NCOA1: variants seen among roughly 807,000 people sequenced by gnomAD.
The protein encoded by NCOA1 is nuclear receptor coactivator 1.
A neutral mutation model predicts 150.9 loss-of-function variants in NCOA1; 35 were observed. The ratio of observed to expected loss-of-function variants is 0.23; its 90% CI spans 0.18 to 0.31. NCOA1 has a LOEUF of 0.31. Among genes scored for constraint, NCOA1 ranks in the 10% least tolerant of loss-of-function variants. NCOA1 has a pLI of 1.00. For missense variants in NCOA1, 1,491 were observed against 1,749.3 expected, an observed-to-expected ratio of 0.85 and a Z score of 2.63; for synonymous variants, 590 against 630.0, an observed-to-expected ratio of 0.94 and a Z score of 0.95.
At chr2:24,493,431 A>G (rs562513550) in intron 1 of NCOA1, among the ~76,000 whole-genome samples, 3 of 152,322 alleles carry the variant, frequency 2.0e-5, no homozygotes, top group African/African-American at 4.8e-5. Context: ...TCTACTGGTT[A>G]TTTAACAACA....
intron 1 of NCOA1, among the ~76,000 whole-genome samples, chr2:24,538,175 T>C (rs1337248623): frequency 6.6e-6 from 1 of 152,224 alleles, no homozygotes; most frequent in African/African-American, 2.4e-5. Context: ...TCACTTGATA[T>C]AAAAGCAGGT....
At chr2:24,600,714 C>T (rs985515422) in intron 3 of NCOA1, among the ~76,000 whole-genome samples, 4 of 152,118 alleles carry the variant, frequency 2.6e-5, no homozygotes, top group South Asian at 2.1e-4. Flanking sequence ...GAATTTCTTT[C>T]GGTGATAGTA....
intron 11 of NCOA1, among the ~76,000 whole-genome samples, chr2:24,702,565 T>C (rs1334283637): frequency 6.6e-6 from 1 of 152,168 alleles, no homozygotes; most frequent in Non-Finnish European, 1.5e-5. Flanking sequence ...TTTTGCTTTG[T>C]AGCTCTGTTG....
chr2:24,759,117 C>CAA (rs562201085), intron 21 of NCOA1, among the ~76,000 whole-genome samples: 350 of 152,262 alleles, frequency 2.3e-3, no homozygotes, highest in Non-Finnish European at 3.8e-3. Flanking sequence ...TTACTGTGTA[C>CAA]AAAGATAGCC....
intron 1 of NCOA1, among the ~76,000 whole-genome samples, chr2:24,541,847 G>A (rs1489424847): frequency 6.6e-6 from 1 of 152,202 alleles, no homozygotes; most frequent in Non-Finnish European, 1.5e-5. Context: ...GCAGATGGCT[G>A]CCTGTGAAAT....
At chr2:24,705,668 A>G (rs1045613915) in intron 12 of NCOA1, among the ~76,000 whole-genome samples, 8 of 152,168 alleles carry the variant, frequency 5.3e-5, no homozygotes, top group African/African-American at 1.9e-4. Flanking sequence ...TATCAACTTG[A>G]TTTTTGAGTG....
intron 1 of NCOA1, among the ~76,000 whole-genome samples, chr2:24,545,953 C>G (rs1318183075): frequency 6.6e-6 from 1 of 152,124 alleles, no homozygotes; most frequent in African/African-American, 2.4e-5. Flanking sequence ...CTACACTCAT[C>G]TAATTTTTGT....
At chr2:24,553,216 A>G (rs895838712) in intron 1 of NCOA1, among the ~76,000 whole-genome samples, 3 of 151,394 alleles carry the variant, frequency 2.0e-5, no homozygotes, top group South Asian at 2.1e-4. Context: ...AAGTTTTTCA[A>G]ATGCCTTCTT....
At chr2:24,697,627 TTATAAA>T (rs774612950) in intron 10 of NCOA1, 25 bp from the exon 11 acceptor site, 37 of 1,561,882 alleles carry the variant, frequency 2.4e-5, no homozygotes, top group East Asian at 2.0e-4. Flanking sequence ...AAAGAGGCTG[TTATAAA>T]TATAAACTTT....
At chr2:24,601,127 G>C (rs530439326) in intron 3 of NCOA1, among the ~76,000 whole-genome samples, 1 of 151,776 alleles carries the variant, frequency 6.6e-6, no homozygotes, top group East Asian at 1.9e-4. Flanking sequence ...TTTAAATGCT[G>C]TTCATTTATA....
chr2:24,705,307 T>C, intron 12 of NCOA1, 74 bp downstream of exon 12: 1 of 1,454,542 alleles, frequency 6.9e-7, no homozygotes, highest in Non-Finnish European at 9.4e-7. Context: ...TTTTTTATAC[T>C]CTTGATGGCT....
At chr2:24,627,121 G>GTTTTTTTTTT (rs33949925) in intron 3 of NCOA1, among the ~76,000 whole-genome samples, 1 of 115,160 alleles carries the variant, frequency 8.7e-6, no homozygotes, top group Non-Finnish European at 1.7e-5. Flanking sequence ...GTTTTTTGCT[G>GTTTTTTTTTT]TTTTTTTTTT....
At chr2:24,527,686 C>G (rs1664707975) in intron 1 of NCOA1, among the ~76,000 whole-genome samples, 1 of 152,156 alleles carries the variant, frequency 6.6e-6, no homozygotes, top group Non-Finnish European at 1.5e-5. Flanking sequence ...TAACCAGAAG[C>G]AGAATTGCCT....
At chr2:24,504,532 G>A (rs1228048954) in intron 1 of NCOA1, among the ~76,000 whole-genome samples, 1 of 152,190 alleles carries the variant, frequency 6.6e-6, no homozygotes, top group Non-Finnish European at 1.5e-5. Flanking sequence ...ACCCTGCTTG[G>A]AGTTATTGAA....
chr2:24,759,431 GAGA>G (rs1171041922), intron 21 of NCOA1, among the ~76,000 whole-genome samples: 1 of 152,218 alleles, frequency 6.6e-6, no homozygotes, highest in East Asian at 1.9e-4. Flanking sequence ...ATTTTATTTA[GAGA>G]AGAAGTAATG....
intron 3 of NCOA1, among the ~76,000 whole-genome samples, chr2:24,595,798 A>G (rs1163384868): frequency 6.6e-6 from 1 of 152,118 alleles, no homozygotes; most frequent in African/African-American, 2.4e-5. Flanking sequence ...AGGTATTAGT[A>G]TTTGAATACA....
intron 10 of NCOA1, among the ~76,000 whole-genome samples, chr2:24,696,976 A>G (rs1672934717): frequency 6.6e-6 from 1 of 152,106 alleles, no homozygotes; most frequent in South Asian, 2.1e-4. Context: ...AACTGGATTA[A>G]TTGGCCCTCT....
At chr2:24,746,540 TA>T (rs1164163617) in intron 19 of NCOA1, among the ~76,000 whole-genome samples, 2 of 152,058 alleles carry the variant, frequency 1.3e-5, no homozygotes, top group Non-Finnish European at 2.9e-5. Context: ...AGCCTCTGTC[TA>T]AAAAAACAAA....
At chr2:24,529,490 G>A (rs1202746368) in intron 1 of NCOA1, among the ~76,000 whole-genome samples, 1 of 152,048 alleles carries the variant, frequency 6.6e-6, no homozygotes, top group African/African-American at 2.4e-5. Context: ...ACCATACTTG[G>A]CTAATTATTT....
Sources: gnomAD v4.1 joint callset for allele counts (sites outside exome capture counted in the v4.1 genomes callset) on GRCh38, gnomAD v4.1.1 for gene constraint, MANE v1.5 for transcripts, NCBI Gene and HGNC (gene_info 2026-07-23, HGNC 2026-07-21) for gene names.